Variants in PHF3 observed in about 807,000 individuals in gnomAD.
The protein encoded by PHF3 is PHD finger protein 3.
Under a neutral mutation model 178.4 loss-of-function variants are expected in PHF3, and 41 were observed. The observed-to-expected ratio is 0.23, with a 90% CI of 0.18 to 0.30. The LOEUF is 0.30. Among genes scored for constraint, PHF3 ranks in the 10% least tolerant of loss-of-function variants. The pLI, the probability that PHF3 is intolerant of heterozygous loss-of-function variation, is 1.00. For missense variants in PHF3, 2,346 were observed against 2,398.1 expected, an observed-to-expected ratio of 0.98 and a Z score of 0.45; for synonymous variants, 842 against 800.5, an observed-to-expected ratio of 1.05 and a Z score of -0.88.
chr6:63,706,963 T>A, intron 13 of PHF3, 87 bp downstream of exon 13: 1 of 1,110,236 alleles, frequency 9.0e-7, no homozygotes, highest in East Asian at 2.4e-5. Context: ...ACAGAGTTAG[T>A]AATAGAAATA....
At chr6:63,666,354 C>G (rs573389570) in intron 2 of PHF3, among the ~76,000 whole-genome samples, 15 of 151,962 alleles carry the variant, frequency 9.9e-5, no homozygotes, top group African/African-American at 3.6e-4. Context: ...TTGAGTTCAT[C>G]TTAGTTTCTT....
At chr6:63,655,423 G>T (rs745844485) in intron 2 of PHF3, among the ~76,000 whole-genome samples, 37 of 152,116 alleles carry the variant, frequency 2.4e-4, no homozygotes, top group Middle Eastern at 3.4e-3. Flanking sequence ...ATGTTGCTTA[G>T]GCTGGTCTCA....
intron 2 of PHF3, among the ~76,000 whole-genome samples, chr6:63,661,471 G>T (rs1179890427): frequency 6.6e-6 from 1 of 152,010 alleles, no homozygotes; most frequent in Non-Finnish European, 1.5e-5. Context: ...TCTAGGAAAA[G>T]GAAAATAATT....
chr6:63,671,883 A>T, intron 2 of PHF3, among the ~76,000 whole-genome samples: 1 of 152,202 alleles, frequency 6.6e-6, no homozygotes, highest in Admixed American at 6.5e-5. Context: ...AGTAGCTGGG[A>T]TTACAGGCAC....
At chr6:63,698,743 T>A in intron 8 of PHF3, 138 bp downstream of exon 8, 1 of 571,142 alleles carries the variant, frequency 1.8e-6, no homozygotes, top group Non-Finnish European at 2.9e-6. Context: ...CATGTAATTT[T>A]AATAGTCTTT....
chr6:63,665,486 G>GTTTTTTTTTTTTTTTTTTTT (rs11427203), intron 2 of PHF3, among the ~76,000 whole-genome samples: 1 of 111,214 alleles, frequency 9.0e-6, no homozygotes, highest in Admixed American at 1.1e-4. Flanking sequence ...GTTTTTTTTT[G>GTTTTTTTTTTTTTTTTTTTT]TTTTTTTTTT....
At chr6:63,662,761 G>T (rs1287219694) in intron 2 of PHF3, among the ~76,000 whole-genome samples, 2 of 152,144 alleles carry the variant, frequency 1.3e-5, no homozygotes, top group Non-Finnish European at 2.9e-5. Context: ...TACATAACAA[G>T]AACGATAAAT....
intron 6 of PHF3, among the ~76,000 whole-genome samples, chr6:63,697,215 G>T (rs1309068975): frequency 3.9e-5 from 6 of 152,172 alleles, no homozygotes; most frequent in Admixed American, 3.9e-4. Flanking sequence ...AGGGAAGGTT[G>T]TATGTGGTAG....
rs944774155 is a variant in PHF3 at position 63,724,445 on chromosome 6, T to G, written c.*10737T>G. Among the ~76,000 whole-genome samples, 8 of 152,284 alleles carry G rather than the reference T, an allele frequency of 5.3e-5. No individual in the cohort carries two copies. Among genetic ancestry groups the G allele is most frequent in the East Asian group, 3.9e-4 (2 of 5,184 alleles). On this transcript the variant is annotated 3_prime_UTR_variant, in exon 16 of 16. Coordinates refer to ENST00000262043, the MANE Select transcript of PHF3 (RefSeq NM_001370348.2). ...TATATTTTTAATATAGTTTAATTAT[T>G]TGAGTATGTTTTAACTTCACATTGC...
chr6:63,660,416 T>TA (rs1464500056), intron 2 of PHF3, among the ~76,000 whole-genome samples: 2 of 152,026 alleles, frequency 1.3e-5, no homozygotes, highest in Non-Finnish European at 2.9e-5. Flanking sequence ...GAATAAACAT[T>TA]AACTTGGATA....
At position 63,721,432 on chromosome 6, in the gene PHF3, CT is replaced by C. The variant is rs1050742628; in HGVS notation, c.*7728del. On this transcript the variant is annotated 3_prime_UTR_variant, in exon 16 of 16. Transcript: ENST00000262043. ...TCACAGTCACCTACATTTGAGCCACCTTTTGCTCCAAATTCAGTTAATTGTA... is the reference window on the plus strand; with the variant it reads ...TCACAGTCACCTACATTTGAGCCACCTTTGCTCCAAATTCAGTTAATTGTA... The C allele has an allele frequency of 6.4e-6, 10 of 1,551,558 alleles. No individual in the cohort carries two copies. The highest frequency in any genetic ancestry group is 8.7e-6 in the Non-Finnish European group (10 of 1,146,954).
At chr6:63,676,014 C>G (rs1766149926) in intron 2 of PHF3, among the ~76,000 whole-genome samples, 1 of 152,096 alleles carries the variant, frequency 6.6e-6, no homozygotes, top group South Asian at 2.1e-4. Flanking sequence ...TGTGATGTTG[C>G]TTTACCTTGA....
In PHF3 at chr6:63,721,153, T is replaced by C; in HGVS notation, c.*7445T>C. ...ATGTATTTAATGTAAGAATTACCCATAAATTTTGCAGTTGAAAATGAAGTT... is the reference window on the plus strand; with the variant it reads ...ATGTATTTAATGTAAGAATTACCCACAAATTTTGCAGTTGAAAATGAAGTT... On this transcript the variant is annotated 3_prime_UTR_variant, in exon 16 of 16. Transcript: ENST00000262043. 6.4e-7 allele frequency: 1 copy of C among 1,551,624 alleles called. No individual in the cohort carries two copies. Among genetic ancestry groups the C allele is most frequent in the East Asian group, 2.4e-5 (1 of 40,918 alleles).
chr6:63,712,062 A>G lies in PHF3; in HGVS notation c.4474A>G (p.Thr1492Ala). ...GGCCCAGTCAGTGATGGAACAAAAC[A>G]CTGTTAAAGAAATTCCATTTTTAAA... Reference protein sequence around the residue: ...DQAQSVMEQNTVKEIPFLNEQ... With the variant: ...DQAQSVMEQNAVKEIPFLNEQ... The change falls in exon 16 of 16, where the codon ACT becomes GCT. Residue 1492 changes from threonine (T) to alanine (A), a missense_variant. This residue lies in a region of PHF3 where 839 missense variants were observed against 806.9 expected (regional missense o/e 1.04). Coordinates refer to ENST00000262043, the MANE Select transcript of PHF3 (RefSeq NM_001370348.2). The G allele has an allele frequency of 1.9e-6, 3 of 1,613,766 alleles. No homozygotes were observed. The South Asian group carries it at 3.3e-5, about 18-fold the overall frequency.
In PHF3 at chr6:63,688,676, T is replaced by C. The variant is rs150897508; in HGVS notation, c.2189+2765T>C. 7.9e-3 allele frequency among the ~76,000 whole-genome samples: 1,207 copies of C among 152,244 alleles called. 11 individuals carry two copies. Among genetic ancestry groups the C allele is most frequent in the Admixed American group, 0.014 (210 of 15,304 alleles). On this transcript the variant is annotated intron_variant, in intron 4 of 15. Coordinates refer to ENST00000262043, the MANE Select transcript of PHF3 (RefSeq NM_001370348.2). ...TATTAACTAGCCTTCACTACTACTGTGATTCTACTACTTTGATACATTGTG... is the reference window on the plus strand; with the variant it reads ...TATTAACTAGCCTTCACTACTACTGCGATTCTACTACTTTGATACATTGTG...
rs1264270598 is a variant in PHF3, at chr6:63,646,788, T to C, written c.237T>C (p.Cys79=). The change falls in exon 2 of 16, where the codon TGT becomes TGC. Residue 79 remains cysteine, a synonymous_variant. Coordinates refer to ENST00000262043, the MANE Select transcript of PHF3 (RefSeq NM_001370348.2). The part of the protein sequence containing the change: ...DSNDPNFQMP[C]STVVGLDDIM... ...ATGATCCCAATTTCCAGATGCCTTG[T>C]TCAACAGGTAATTCTTACTTTTTTT... 6.8e-7 allele frequency: 1 copy of C among 1,480,004 alleles called. No homozygotes were observed. The highest frequency in any genetic ancestry group is 9.0e-7 in the Non-Finnish European group (1 of 1,112,140). 91.7% of individuals were successfully genotyped at this position (1,480,004 alleles called of 1,614,324 possible).
chr6:63,693,813 T>A (rs1767111515), intron 5 of PHF3, among the ~76,000 whole-genome samples: 2 of 152,220 alleles, frequency 1.3e-5, no homozygotes, highest in Non-Finnish European at 2.9e-5. Flanking sequence ...TTATGGAATC[T>A]GCTTTTCTTA....
In PHF3 at chr6:63,717,645, A is replaced by G. The variant is rs1309599183; in HGVS notation, c.*3937A>G. Among the ~76,000 whole-genome samples, 1 of 152,068 alleles carries G rather than the reference A, an allele frequency of 6.6e-6. No individual in the cohort carries two copies. The highest frequency in any genetic ancestry group is 2.4e-5 in the African/African-American group (1 of 41,442). ...TTATAGATAGATGCAGAGCAGAGTC[A>G]TTGAGGGAAATAGCCTAAGCACTCA... On this transcript the variant is annotated 3_prime_UTR_variant, in exon 16 of 16. Transcript: ENST00000262043.
At chr6:63,637,455 G>A (rs953755030) in intron 1 of PHF3, among the ~76,000 whole-genome samples, 1 of 152,132 alleles carries the variant, frequency 6.6e-6, no homozygotes, top group African/African-American at 2.4e-5. Flanking sequence ...CTTTTCTATT[G>A]TAGCATACTT....
Sources: allele counts gnomAD v4.1 joint callset (sites outside exome capture counted in the v4.1 genomes callset), GRCh38; gene constraint gnomAD v4.1.1; regional missense constraint gnomAD v4.1.1; transcripts MANE v1.5; gene names NCBI Gene and HGNC (gene_info 2026-07-23, HGNC 2026-07-21).